Variants in ERBB4 observed in about 807,000 individuals in gnomAD.
ERBB4 encodes receptor tyrosine-protein kinase erbB-4.
A neutral mutation model predicts 158.0 loss-of-function variants in ERBB4; 42 were observed. The ratio of observed to expected loss-of-function variants is 0.27; its 90% CI spans 0.21 to 0.34. The LOEUF (loss-of-function observed/expected upper bound fraction) is 0.34, where lower values mean the gene tolerates loss of function less well. Among genes scored for constraint, ERBB4 ranks in the 10% least tolerant of loss-of-function variants. The pLI is 1.00. For synonymous variants in ERBB4, 583 were observed against 558.7 expected (o/e 1.04, Z -0.61); for missense variants, 1,333 against 1,624.1 (o/e 0.82, Z 3.08).
chr2:211,723,262 A>C (rs2106124919), intron 6 of ERBB4, among the ~76,000 whole-genome samples: 1 of 152,326 alleles, frequency 6.6e-6, no homozygotes, highest in Non-Finnish European at 1.5e-5. Flanking sequence ...GGGAAGAATT[A>C]AAAACCATTT....
chr2:211,697,592 T>G (rs2073071554), intron 12 of ERBB4, among the ~76,000 whole-genome samples: 1 of 151,924 alleles, frequency 6.6e-6, no homozygotes, highest in African/African-American at 2.4e-5. Flanking sequence ...AAAGAACAAC[T>G]CCCAAATTAA....
intron 20 of ERBB4, among the ~76,000 whole-genome samples, chr2:211,496,265 A>G (rs1055094338): frequency 6.6e-6 from 1 of 151,990 alleles, no homozygotes; most frequent in African/African-American, 2.4e-5. Flanking sequence ...CTAAATGCCC[A>G]TGAGTCCTAA....
chr2:212,466,528 T>C (rs78668678), intron 1 of ERBB4, among the ~76,000 whole-genome samples: 3,180 of 152,254 alleles, frequency 0.021, 99 homozygotes, highest in South Asian at 0.051. Flanking sequence ...AATGAGAGTT[T>C]CTCTGCACTA....
chr2:212,068,421 A>G (rs920814650), intron 2 of ERBB4, among the ~76,000 whole-genome samples: 4 of 152,094 alleles, frequency 2.6e-5, no homozygotes, highest in South Asian at 2.1e-4. Context: ...CATCCATGCT[A>G]AAGTTCCAAA....
chr2:211,813,916 T>C (rs1559541572), intron 3 of ERBB4, among the ~76,000 whole-genome samples: 1 of 152,230 alleles, frequency 6.6e-6, no homozygotes, highest in East Asian at 1.9e-4. Context: ...ATATAAATCA[T>C]ATAAATGAAT....
rs528681805 is a variant in ERBB4 at position 212,333,998 on chromosome 2, A to G, written c.82+204451T>C. ...CTGGAGGCTCAATGCAAAAATTAAAATTTCTTAATATTCCACTCACTTAAA... is the reference window on the plus strand; with the variant it reads ...CTGGAGGCTCAATGCAAAAATTAAAGTTTCTTAATATTCCACTCACTTAAA... On this transcript the variant is annotated intron_variant, in intron 1 of 27. Coordinates refer to ENST00000342788, the MANE Select transcript of ERBB4 (RefSeq NM_005235.3). Among the ~76,000 whole-genome samples the G allele has an allele frequency of 2.0e-5, 3 of 152,144 alleles. No homozygotes were observed. In the South Asian group the frequency reaches 6.2e-4, roughly 32 times the overall value.
chr2:211,831,956 T>C (rs371110707), intron 3 of ERBB4, among the ~76,000 whole-genome samples: 1 of 152,222 alleles, frequency 6.6e-6, no homozygotes, highest in African/African-American at 2.4e-5. Context: ...AATCATCCAT[T>C]TGTATTTCTT....
chr2:212,293,240 A>G (rs1232470568), intron 1 of ERBB4, among the ~76,000 whole-genome samples: 1 of 152,028 alleles, frequency 6.6e-6, no homozygotes, highest in Admixed American at 6.6e-5. Flanking sequence ...ATTGTATAAG[A>G]TTAATAAAAA....
At chr2:211,404,268 T>C (rs1249115835) in intron 25 of ERBB4, among the ~76,000 whole-genome samples, 2 of 152,032 alleles carry the variant, frequency 1.3e-5, no homozygotes, top group Non-Finnish European at 2.9e-5. Flanking sequence ...TCAAGCAGAA[T>C]GGTGCCTCAA....
chr2:212,285,616 C>T (rs1244042610), intron 1 of ERBB4, among the ~76,000 whole-genome samples: 2 of 151,834 alleles, frequency 1.3e-5, no homozygotes, highest in East Asian at 1.9e-4. Context: ...GATTAAAAAT[C>T]TAAAAAATGA....
At chr2:211,805,806 A>T (rs551846440) in intron 3 of ERBB4, among the ~76,000 whole-genome samples, 47 of 152,212 alleles carry the variant, frequency 3.1e-4, no homozygotes, top group African/African-American at 9.4e-4. Context: ...AATACAAAAA[A>T]AATTCTATTC....
rs115335172 is a variant in ERBB4 at position 212,451,493 on chromosome 2, T to C, written c.82+86956A>G. 5.5e-3 allele frequency among the ~76,000 whole-genome samples: 843 copies of C among 152,328 alleles called. 13 individuals are homozygous for C. The highest frequency in any genetic ancestry group is 0.019 in the African/African-American group (788 of 41,584). On this transcript the variant is annotated intron_variant, in intron 1 of 27. Coordinates refer to ENST00000342788, the MANE Select transcript of ERBB4 (RefSeq NM_005235.3). ...TATGACCACCTGTCCTCATATGTTTTGATGCAATAAAAATCAAATTATATA... is the reference window on the plus strand; with the variant it reads ...TATGACCACCTGTCCTCATATGTTTCGATGCAATAAAAATCAAATTATATA...
chr2:211,422,143 ACTAGAAAGGAGTTGAAAT>A (rs764950651), intron 23 of ERBB4, 39 bp from the exon 24 acceptor site: 2 of 1,278,398 alleles, frequency 1.6e-6, no homozygotes, highest in Admixed American at 3.4e-5. Flanking sequence ...TATATTCGTA[ACTAGAAAGGAGTTGAAAT>A]TTAAATTTTG....
At chr2:212,242,326 A>G (rs1010866051) in intron 1 of ERBB4, among the ~76,000 whole-genome samples, 1 of 152,050 alleles carries the variant, frequency 6.6e-6, no homozygotes, top group African/African-American at 2.4e-5. Context: ...GTAACATTTT[A>G]TTAAAATTCA....
chr2:212,422,441 C>T lies in ERBB4; in HGVS notation c.82+116008G>A, dbSNP rs370193465. Among the ~76,000 whole-genome samples the T allele has an allele frequency of 3.3e-5, 5 of 151,724 alleles. No individual in the cohort carries two copies. The East Asian group carries it at 7.8e-4, about 24-fold the overall frequency. ...TGAACCCGGGAGGCAGAGGTTGCAG[C>T]GAGCTGAGATCATGCCCCTGCACTC... On this transcript the variant is annotated intron_variant, in intron 1 of 27. Coordinates refer to ENST00000342788, the MANE Select transcript of ERBB4 (RefSeq NM_005235.3).
At position 211,529,107 on chromosome 2, in the gene ERBB4, GACTA is replaced by G. The variant is rs535337887; in HGVS notation, c.2487+32792_2487+32795del. Among the ~76,000 whole-genome samples, 66 of 147,436 alleles carry G rather than the reference GACTA, an allele frequency of 4.5e-4. 1 individual carries two copies. The highest frequency in any genetic ancestry group is 8.3e-4 in the Non-Finnish European group (55 of 66,646). On this transcript the variant is annotated intron_variant, in intron 20 of 27. Coordinates refer to ENST00000342788, the MANE Select transcript of ERBB4 (RefSeq NM_005235.3). ...AACAAAATTGAAAAACCATTAGCCA[GACTA>G]ACTAATAAAAAAGAGAGGAGACCCA...
intron 19 of ERBB4, among the ~76,000 whole-genome samples, chr2:211,618,253 A>G (rs186280928): frequency 2.6e-4 from 39 of 152,216 alleles, no homozygotes. Flanking sequence ...GATCATAACC[A>G]TAATAAAATA....
chr2:211,834,436 G>C (rs2077292608), intron 3 of ERBB4, among the ~76,000 whole-genome samples: 1 of 150,794 alleles, frequency 6.6e-6, no homozygotes, highest in African/African-American at 2.4e-5. Flanking sequence ...AGCTTGAACT[G>C]TAAGATCTTT....
Position 212,522,358 on chromosome 2 carries a change from C to T in ERBB4, c.82+16091G>A, listed in dbSNP as rs183516414. Among the ~76,000 whole-genome samples the T allele has an allele frequency of 2.6e-5, 4 of 151,928 alleles. No homozygotes were observed. In the East Asian group the frequency reaches 7.7e-4, roughly 29 times the overall value. On this transcript the variant is annotated intron_variant, in intron 1 of 27. Transcript: ENST00000342788. Reference sequence around the variant, plus strand: ...ATATTATGATTTCTTGGCTTTTTACCAATGAAGAGTTAATGTGTGATGTAC... The same window carrying T: ...ATATTATGATTTCTTGGCTTTTTACTAATGAAGAGTTAATGTGTGATGTAC...
Sources: allele counts gnomAD v4.1 joint callset (sites outside exome capture counted in the v4.1 genomes callset), GRCh38; gene constraint gnomAD v4.1.1; transcripts MANE v1.5; gene names NCBI Gene and HGNC (gene_info 2026-07-23, HGNC 2026-07-21).